Variants in CALN1 observed in about 807,000 individuals in gnomAD.
CALN1 encodes calcium-binding protein 8.
In CALN1, 17 loss-of-function variants were observed where a neutral mutation model predicts 30.6. That is an observed-to-expected ratio of 0.56 (90% CI 0.38 to 0.83). CALN1 has a LOEUF of 0.83. Ranked by LOEUF, CALN1 falls within the 40% of genes least tolerant of loss-of-function variation. The pLI, the probability that CALN1 is intolerant of heterozygous loss-of-function variation, is 0.00. For missense variants in CALN1, 291 were observed against 354.9 expected (o/e 0.82, Z 1.45); for synonymous variants, 156 against 131.4 (o/e 1.19, Z -1.28).
chr7:71,844,961 C>T (rs1790143897), intron 5 of CALN1, among the ~76,000 whole-genome samples: 1 of 152,108 alleles, frequency 6.6e-6, no homozygotes, highest in Admixed American at 6.5e-5. Context: ...ATGATCTTGG[C>T]TCACTGCAAC....
intron 2 of CALN1, among the ~76,000 whole-genome samples, chr7:72,367,085 T>C (rs1368342909): frequency 6.6e-6 from 1 of 150,736 alleles, no homozygotes; most frequent in South Asian, 2.1e-4. Flanking sequence ...GTAGAAAGCA[T>C]GCTTCATGAT....
intron 5 of CALN1, among the ~76,000 whole-genome samples, chr7:71,998,758 T>A (rs1273739078): frequency 6.6e-6 from 1 of 152,076 alleles, no homozygotes; most frequent in Non-Finnish European, 1.5e-5. Context: ...GGTTTCACCA[T>A]GTTGCCCAGA....
At chr7:71,840,520 G>C (rs1041775596) in intron 5 of CALN1, among the ~76,000 whole-genome samples, 61 of 131,372 alleles carry the variant, frequency 4.6e-4, no homozygotes, top group Non-Finnish European at 8.8e-4. Flanking sequence ...AAGAGAAAAA[G>C]AAAAAGAAAC....
intron 3 of CALN1, among the ~76,000 whole-genome samples, chr7:72,256,013 C>T (rs1159544110): frequency 6.6e-6 from 1 of 152,226 alleles, no homozygotes; most frequent in African/African-American, 2.4e-5. Flanking sequence ...CAGGCGTGAG[C>T]CACCGCGCCC....
intron 5 of CALN1, among the ~76,000 whole-genome samples, chr7:71,984,019 A>G (rs1225323838): frequency 1.3e-5 from 2 of 152,226 alleles, no homozygotes; most frequent in African/African-American, 2.4e-5. Context: ...AATAATATAG[A>G]TGGACCTCTA....
chr7:72,210,803 C>T (rs1266821157), intron 3 of CALN1, among the ~76,000 whole-genome samples: 4 of 151,944 alleles, frequency 2.6e-5, no homozygotes, highest in African/African-American at 9.7e-5. Flanking sequence ...CAGAGCCAAA[C>T]CATATCAGAT....
chr7:72,157,170 T>A (rs559536165), intron 3 of CALN1, among the ~76,000 whole-genome samples: 32 of 152,318 alleles, frequency 2.1e-4, no homozygotes, highest in African/African-American at 7.7e-4. Flanking sequence ...TCAGAGCTCA[T>A]TCATTCATTC....
At chr7:72,495,895 TTC>T in the CALN1 span, among the ~76,000 whole-genome samples, 1 of 152,138 alleles carries the variant, frequency 6.6e-6, no homozygotes, top group Non-Finnish European at 1.5e-5. Context: ...ATAATTCTAT[TTC>T]TGTTTCTTCT....
At chr7:72,500,853 T>C in the CALN1 span, among the ~76,000 whole-genome samples, 3 of 152,154 alleles carry the variant, frequency 2.0e-5, no homozygotes, top group African/African-American at 4.8e-5. Context: ...CAATTTATCT[T>C]AAATTGATTT....
At chr7:72,148,113 A>ACAAC (rs398040319) in intron 3 of CALN1, among the ~76,000 whole-genome samples, 8 of 149,408 alleles carry the variant, frequency 5.4e-5, no homozygotes, top group Non-Finnish European at 8.9e-5. Flanking sequence ...AAAAAAAAAA[A>ACAAC]CAACCAACCA....
chr7:72,026,481 G>T (rs138634844), intron 4 of CALN1, among the ~76,000 whole-genome samples: 2,803 of 152,178 alleles, frequency 0.018, 78 homozygotes, highest in African/African-American at 0.065. Context: ...AGCGATTCGG[G>T]AGGCTGAGGC....
chr7:72,102,483 C>T (rs1427488724), intron 4 of CALN1, among the ~76,000 whole-genome samples: 2 of 151,978 alleles, frequency 1.3e-5, no homozygotes, highest in Non-Finnish European at 2.9e-5. Flanking sequence ...GTATTTTTTC[C>T]AGTGAGGTTG....
At chr7:72,261,768 T>C (rs1796288396) in intron 3 of CALN1, among the ~76,000 whole-genome samples, 1 of 152,140 alleles carries the variant, frequency 6.6e-6, no homozygotes, top group South Asian at 2.1e-4. Context: ...CACCACCACA[T>C]ACTTTTTTCA....
intron 3 of CALN1, among the ~76,000 whole-genome samples, chr7:72,186,996 AG>A (rs1369708703): frequency 6.7e-6 from 1 of 149,888 alleles, no homozygotes; most frequent in Non-Finnish European, 1.5e-5. Flanking sequence ...AGAAAGGGAC[AG>A]GGCAAGTAGG....
At chr7:72,409,027 G>T (rs1405803213) in intron 1 of CALN1, among the ~76,000 whole-genome samples, 3 of 151,668 alleles carry the variant, frequency 2.0e-5, no homozygotes, top group Admixed American at 2.0e-4. Flanking sequence ...ACAGAGTCTT[G>T]CTCTGTGGCC....
chr7:72,495,122 G>C, the CALN1 span, among the ~76,000 whole-genome samples: 1 of 152,260 alleles, frequency 6.6e-6, no homozygotes, highest in East Asian at 1.9e-4. Flanking sequence ...ATCATTGAGG[G>C]CCATCTTGGA....
chr7:72,105,541 C>G (rs1807028607), intron 4 of CALN1, among the ~76,000 whole-genome samples: 1 of 151,394 alleles, frequency 6.6e-6, no homozygotes, highest in South Asian at 2.1e-4. Flanking sequence ...TGGTCTTGGT[C>G]AATTTTTAAA....
intron 5 of CALN1, among the ~76,000 whole-genome samples, chr7:71,986,293 C>G (rs1798670931): frequency 6.6e-6 from 1 of 152,110 alleles, no homozygotes; most frequent in African/African-American, 2.4e-5. Flanking sequence ...GGTGATCCAC[C>G]TGACTTGGCC....
At chr7:72,443,025 G>T (rs992202407) in intron 1 of CALN1, among the ~76,000 whole-genome samples, 1 of 152,184 alleles carries the variant, frequency 6.6e-6, no homozygotes, top group African/African-American at 2.4e-5. Flanking sequence ...TTTATGTAGG[G>T]TTGCACTTAT....
Sources: allele counts gnomAD v4.1 joint callset (sites outside exome capture counted in the v4.1 genomes callset), GRCh38; gene constraint gnomAD v4.1.1; transcripts MANE v1.5; gene names NCBI Gene and HGNC (gene_info 2026-07-23, HGNC 2026-07-21).